HCN3: variants seen among roughly 807,000 people sequenced by gnomAD.
The protein encoded by HCN3 is hyperpolarization activated cyclic nucleotide gated potassium channel 3, also known as potassium/sodium hyperpolarization-activated cyclic nucleotide-gated channel 3.
A neutral mutation model predicts 56.8 loss-of-function variants in HCN3; 36 were observed. The observed-to-expected ratio is 0.63, with a 90% confidence interval of 0.49 to 0.84. The LOEUF is 0.84. Among genes scored for constraint, HCN3 ranks in the 40% least tolerant of loss-of-function variants. HCN3 has a pLI of 0.00. For missense variants in HCN3, 930 were observed against 1,079.3 expected, an observed-to-expected ratio of 0.86 and a Z score of 1.94; for synonymous variants, 425 against 439.7, an observed-to-expected ratio of 0.97 and a Z score of 0.42.
intron 1 of HCN3, among the ~76,000 whole-genome samples, chr1:155,279,641 G>A (rs945226422): frequency 2.6e-5 from 4 of 152,206 alleles, no homozygotes; most frequent in African/African-American, 9.7e-5. Context: ...GGTGGAGAAG[G>A]CTGGGGAGGG....
At chr1:155,279,723 G>A (rs1362341297) in intron 1 of HCN3, among the ~76,000 whole-genome samples, 1 of 152,128 alleles carries the variant, frequency 6.6e-6, no homozygotes, top group Non-Finnish European at 1.5e-5. Flanking sequence ...GAAATCTGGG[G>A]ATAAAGAGTG....
chr1:155,280,738 A>ATTT lies in HCN3; in HGVS notation c.279-1642_279-1640dup, dbSNP rs34480594. On this transcript the variant is annotated intron_variant, in intron 1 of 7. Coordinates refer to ENST00000368358, the MANE Select transcript of HCN3 (RefSeq NM_020897.3). ...CAGGCGTGAGCCACCACGCCCAGCTATTTTTTTTTTTTTTTTTTTTTTTTT... is the reference window on the plus strand; with the variant it reads ...CAGGCGTGAGCCACCACGCCCAGCTATTTTTTTTTTTTTTTTTTTTTTTTTTTT... 4.2e-3 allele frequency among the ~76,000 whole-genome samples: 144 copies of ATTT among 34,570 alleles called. 15 individuals carry two copies. Among genetic ancestry groups the ATTT allele is most frequent in the African/African-American group, 9.4e-3 (68 of 7,214 alleles). 22.7% of individuals were successfully genotyped at this position (34,570 alleles called of 152,430 possible). A position where few individuals can be genotyped will look rare whatever the true frequency, so the allele number is the denominator to read the frequency against.
chr1:155,287,845 C>A lies in HCN3; in HGVS notation c.1707C>A (p.Ile569=), dbSNP rs1248348670. The stretch of plus-strand genomic sequence containing the variant: ...CAAGTCCAGGCAGCAGTGGTGGCAT[C>A]ATGGAGCAGCACTTGGTGCAACATG... ...SEPSPGSSGG[I]MEQHLVQHDR... is the part of the protein sequence containing the mutation. Residue 569 remains isoleucine (I), a synonymous_variant, in exon 8 of 8, where the codon ATC becomes ATA. Transcript: ENST00000368358. 1 of 1,613,170 alleles carries A rather than the reference C, an allele frequency of 6.2e-7. No individual in the cohort carries two copies. Among genetic ancestry groups the A allele is most frequent in the African/African-American group, 1.3e-5 (1 of 74,916 alleles).
Position 155,285,658 on chromosome 1 carries a change from A to G in HCN3, c.1237-66A>G. 2 of 1,588,764 alleles carry G rather than the reference A, an allele frequency of 1.3e-6. No individual in the cohort carries two copies. The highest frequency in any genetic ancestry group is 1.7e-6 in the Non-Finnish European group (2 of 1,165,090). On this transcript the variant is annotated intron_variant, in intron 5 of 7. Coordinates refer to ENST00000368358, the MANE Select transcript of HCN3 (RefSeq NM_020897.3). This position sits in a 1 kb window ranked among gnomAD's most constrained non-coding sequence, Gnocchi z 4.5. ...CCAGGGGTGGGGTTTCTGGAAGCGG[A>G]TGAGCTCGGTGGGATCATCTCAGGT...
rs969744139 is a variant in HCN3, at chr1:155,288,594, C to T, written c.*131C>T. 1.1e-5 allele frequency: 13 copies of T among 1,158,338 alleles called. No homozygotes were observed. The highest frequency in any genetic ancestry group is 1.6e-5 in the South Asian group (1 of 63,854). 71.8% of individuals were successfully genotyped at this position (1,158,338 alleles called of 1,614,324 possible). A position where few individuals can be genotyped will look rare whatever the true frequency, so the allele number is the denominator to read the frequency against. ...AAATGTCGACCCTGTGCGGACATTC[C>T]GCATACTGCCATGAAGACGGTCTCT... is the stretch of plus-strand genomic sequence containing the variant. On this transcript the variant is annotated 3_prime_UTR_variant, in exon 8 of 8. Transcript: ENST00000368358. The surrounding 1 kb of genome is among the most constrained non-coding windows in gnomAD (Gnocchi z 6.5).
intron 2 of HCN3, 71 bp from the exon 3 acceptor site, chr1:155,283,903 C>A: frequency 1.3e-6 from 2 of 1,531,446 alleles, no homozygotes; most frequent in Non-Finnish European, 1.8e-6. Flanking sequence ...GAGAATTTGC[C>A]AGGCTGGGAA....
In HCN3 at chr1:155,279,203, T is replaced by C. The variant is rs1203000013; in HGVS notation, c.278+1335T>C. 2.0e-5 allele frequency among the ~76,000 whole-genome samples: 3 copies of C among 152,336 alleles called. No homozygotes were observed. The East Asian group carries it at 5.8e-4, about 29-fold the overall frequency. ...AAGGGGCTAGCTCCTGAGTTGACAC[T>C]GGGATTAGGTGTGTCCTAGAATTAA... is the stretch of plus-strand genomic sequence containing the variant. On this transcript the variant is annotated intron_variant, in intron 1 of 7. Transcript: ENST00000368358.
intron 6 of HCN3, 84 bp downstream of exon 6, chr1:155,286,048 A>C: frequency 6.7e-7 from 1 of 1,496,698 alleles, no homozygotes; most frequent in Non-Finnish European, 8.9e-7. Flanking sequence ...TCCCTGCCTC[A>C]GTACGCTGCA....
Position 155,285,199 on chromosome 1 carries a change from A to G in HCN3, c.1124A>G (p.Lys375Arg), listed in dbSNP as rs1244067268. The change falls in exon 5 of 8, where the codon AAG becomes AGG. Residue 375 changes from lysine to arginine, a missense_variant. By Grantham distance (26) the Lys-to-Arg change is conservative. Transcript: ENST00000368358. The surrounding 1 kb of genome is among the most constrained non-coding windows in gnomAD (Gnocchi z 4.5). ...KQVEQYMSFH[K>R]LPADTRQRIH... ...GTGGAGCAGTACATGTCCTTCCACA[A>G]GCTGCCAGCAGACACGCGGCAGCGC... The G allele has an allele frequency of 3.7e-6, 6 of 1,614,102 alleles. No homozygotes were observed. Among genetic ancestry groups the G allele is most frequent in the Admixed American group, 1.7e-5 (1 of 60,002 alleles).
chr1:155,284,023 A>C lies in HCN3; in HGVS notation c.758A>C (p.Asn253Thr), dbSNP rs765123608. The change falls in exon 3 of 8, where the codon AAC becomes ACC. Residue 253 changes from asparagine (N) to threonine (T), a missense_variant. Transcript: ENST00000368358. This position sits in a 1 kb window ranked among gnomAD's most constrained non-coding sequence, Gnocchi z 4.3. ...GCCAGTGCTGTGGTTCGCATCTTCA[A>C]CCTCATTGGGATGATGCTGCTGCTA... ...DLASAVVRIFNLIGMMLLLCH... is the reference protein window; with the variant it reads ...DLASAVVRIFTLIGMMLLLCH... 35 of 1,613,906 alleles carry C rather than the reference A, an allele frequency of 2.2e-5. No individual in the cohort carries two copies. The highest frequency in any genetic ancestry group is 2.5e-5 in the Non-Finnish European group (30 of 1,179,998).
Position 155,288,154 on chromosome 1 carries a change from C to T in HCN3, c.2016C>T (p.Pro672=), listed in dbSNP as rs775700824. The change falls in exon 8 of 8, where the codon CCC becomes CCT. Residue 672 remains proline, a synonymous_variant. Transcript: ENST00000368358. This position sits in a 1 kb window ranked among gnomAD's most constrained non-coding sequence, Gnocchi z 6.5. ...AGPWASTSRL[P]APPARTLHAS... ...CATGGGCATCCACCTCCCGCCTGCC[C>T]GCCCCACCTGCCCGAACCCTGCACG... is the stretch of plus-strand genomic sequence containing the variant. The T allele has an allele frequency of 1.3e-5, 20 of 1,583,380 alleles. No individual in the cohort carries two copies. Among genetic ancestry groups the T allele is most frequent in the Middle Eastern group, 1.7e-4 (1 of 6,038 alleles).
chr1:155,286,290 C>T (rs1186197853), intron 6 of HCN3, among the ~76,000 whole-genome samples: 1 of 152,228 alleles, frequency 6.6e-6, no homozygotes, highest in East Asian at 1.9e-4. Context: ...GGACCACAGG[C>T]ACCCGCCACC....
Position 155,285,656 on chromosome 1 carries a change from G to A in HCN3, c.1237-68G>A, listed in dbSNP as rs118001822. ...CCCCAGGGGTGGGGTTTCTGGAAGC[G>A]GATGAGCTCGGTGGGATCATCTCAG... On this transcript the variant is annotated intron_variant, in intron 5 of 7. Transcript: ENST00000368358. The surrounding 1 kb of genome is among the most constrained non-coding windows in gnomAD (Gnocchi z 4.5). The A allele has an allele frequency of 1.2e-4, 192 of 1,585,068 alleles. 2 individuals are homozygous for A. The Admixed American group carries it at 1.5e-3, about 12-fold the overall frequency.
rs541241214 is a variant in HCN3, at chr1:155,281,344, C to T, written c.279-1067C>T. 4.6e-5 allele frequency among the ~76,000 whole-genome samples: 7 copies of T among 152,128 alleles called. No individual in the cohort carries two copies. The East Asian group carries it at 1.4e-3, about 29-fold the overall frequency. The stretch of plus-strand genomic sequence containing the variant: ...TTGGCCTCCCAAAGTGCTGGGATTA[C>T]AGGCGTGAGCCACCACACCTGGCCT... On this transcript the variant is annotated intron_variant, in intron 1 of 7. Transcript: ENST00000368358.
Position 155,284,559 on chromosome 1 carries a change from G to A in HCN3, c.891G>A (p.Gln297=). 1 of 1,612,710 alleles carries A rather than the reference G, an allele frequency of 6.2e-7. No individual in the cohort carries two copies. The highest frequency in any genetic ancestry group is 1.1e-5 in the South Asian group (1 of 91,026). The change falls in exon 4 of 8, where the codon CAG becomes CAA. Residue 297 remains glutamine (Q), a synonymous_variant. Transcript: ENST00000368358. This position sits in a 1 kb window ranked among gnomAD's most constrained non-coding sequence, Gnocchi z 4.3. ...NHMVNHSWGR[Q]YSHALFKAMS... ...CTCAGAACCACTCGTGGGGCCGCCA[G>A]TATTCCCATGCCCTGTTCAAGGCCA...
Position 155,280,738 on chromosome 1 carries a change from A to ATTTT in HCN3, c.279-1643_279-1640dup, listed in dbSNP as rs34480594. Reference sequence around the variant, plus strand: ...CAGGCGTGAGCCACCACGCCCAGCTATTTTTTTTTTTTTTTTTTTTTTTTT... The same window carrying ATTTT: ...CAGGCGTGAGCCACCACGCCCAGCTATTTTTTTTTTTTTTTTTTTTTTTTTTTTT... On this transcript the variant is annotated intron_variant, in intron 1 of 7. Transcript: ENST00000368358. Among the ~76,000 whole-genome samples the ATTTT allele has an allele frequency of 1.5e-3, 52 of 34,568 alleles. 2 individuals carry two copies. The highest frequency in any genetic ancestry group is 2.4e-3 in the African/African-American group (17 of 7,218). 22.7% of individuals were successfully genotyped at this position (34,568 alleles called of 152,430 possible).
At chr1:155,283,042 G>A (rs12049375) in intron 2 of HCN3, among the ~76,000 whole-genome samples, 57,069 of 151,776 alleles carry the variant, frequency 0.38, 12,502 homozygotes, top group East Asian at 0.7. Flanking sequence ...ATGAGGGTTC[G>A]GGGGATGGGG....
chr1:155,284,754 G>A lies in HCN3; in HGVS notation c.1086G>A (p.Glu362=). The part of the protein sequence containing the change: ...SLDSSRRQYQ[E]KYKQVEQYMS... Reference sequence around the variant, plus strand: ...ACTCTTCCCGGCGTCAGTACCAGGAGAAGGTCAGCAGGGACAGGAGAGGGA... The same window carrying A: ...ACTCTTCCCGGCGTCAGTACCAGGAAAAGGTCAGCAGGGACAGGAGAGGGA... The change falls in exon 4 of 8, where the codon GAG becomes GAA. Residue 362 remains glutamate, a synonymous_variant. Coordinates refer to ENST00000368358, the MANE Select transcript of HCN3 (RefSeq NM_020897.3). This position sits in a 1 kb window ranked among gnomAD's most constrained non-coding sequence, Gnocchi z 4.3. 1 of 1,612,992 alleles carries A rather than the reference G, an allele frequency of 6.2e-7. No individual in the cohort carries two copies. The highest frequency in any genetic ancestry group is 1.1e-5 in the South Asian group (1 of 90,962).
Position 155,284,458 on chromosome 1 carries a change from A to G in HCN3, c.871-81A>G. On this transcript the variant is annotated intron_variant, in intron 3 of 7. Coordinates refer to ENST00000368358, the MANE Select transcript of HCN3 (RefSeq NM_020897.3). This position sits in a 1 kb window ranked among gnomAD's most constrained non-coding sequence, Gnocchi z 4.3. ...TGCAGTAGAAGGGGCAGACAGAAAG[A>G]CCAAAGAAGGAAAAGGGGCAGGCAG... The G allele has an allele frequency of 7.0e-7, 1 of 1,419,596 alleles. No individual in the cohort carries two copies. Among genetic ancestry groups the G allele is most frequent in the South Asian group, 1.3e-5 (1 of 75,930 alleles). 87.9% of individuals were successfully genotyped at this position (1,419,596 alleles called of 1,614,324 possible).
Sources: allele counts gnomAD v4.1 joint callset (sites outside exome capture counted in the v4.1 genomes callset), GRCh38; gene constraint gnomAD v4.1.1; non-coding constraint Gnocchi (gnomAD v3.1); transcripts MANE v1.5; gene names NCBI Gene and HGNC (gene_info 2026-07-23, HGNC 2026-07-21).